Variants in RBFOX1 observed in about 807,000 individuals in gnomAD.
RBFOX1 encodes RNA binding protein fox-1 homolog 1.
In RBFOX1, 8 loss-of-function variants were observed where a neutral mutation model predicts 57.7. The observed-to-expected ratio is 0.14, with a 90% CI of 0.08 to 0.25. The LOEUF (loss-of-function observed/expected upper bound fraction) is 0.25. RBFOX1 is among the 10% of genes least tolerant of loss of function. The pLI, the probability that RBFOX1 is intolerant of heterozygous loss-of-function variation, is 1.00. For synonymous variants in RBFOX1, 326 were observed against 222.4 expected, an observed-to-expected ratio of 1.47 and a Z score of -4.15; for missense variants, 611 against 548.5, an observed-to-expected ratio of 1.11 and a Z score of -1.14.
At chr16:6,678,941 A>G (rs1315692632) in intron 3 of RBFOX1, among the ~76,000 whole-genome samples, 1 of 152,178 alleles carries the variant, frequency 6.6e-6, no homozygotes, top group Non-Finnish European at 1.5e-5. Flanking sequence ...TGGATGTGGC[A>G]TTCAGTATAA....
chr16:7,572,052 G>A (rs1456047276), intron 5 of RBFOX1, among the ~76,000 whole-genome samples: 3 of 152,092 alleles, frequency 2.0e-5, no homozygotes, highest in Non-Finnish European at 4.4e-5. Context: ...GCTTGAACCT[G>A]GCAGACGGAG....
At chr16:7,512,052 G>A (rs1322778768) in intron 4 of RBFOX1, among the ~76,000 whole-genome samples, 1 of 152,000 alleles carries the variant, frequency 6.6e-6, no homozygotes, top group African/African-American at 2.4e-5. Context: ...ACACCCACAA[G>A]CACCCTGACT....
intron 4 of RBFOX1, among the ~76,000 whole-genome samples, chr16:7,053,945 A>G (rs2051002476): frequency 6.6e-6 from 1 of 152,028 alleles, no homozygotes; most frequent in South Asian, 2.1e-4. Flanking sequence ...TTCAAAATTT[A>G]AATAGTACCA....
chr16:5,784,663 G>A (rs995662723), intron 3 of RBFOX1, among the ~76,000 whole-genome samples: 1 of 152,092 alleles, frequency 6.6e-6, no homozygotes. Context: ...ATGAGATTTG[G>A]GTGACGACAC....
At chr16:5,598,037 C>T (rs547581448) in intron 2 of RBFOX1, among the ~76,000 whole-genome samples, 3 of 152,084 alleles carry the variant, frequency 2.0e-5, no homozygotes, top group South Asian at 4.2e-4. Context: ...TGGCTCAGGC[C>T]GGTAATGTTA....
chr16:7,699,551 C>T (rs1330962703), intron 14 of RBFOX1, among the ~76,000 whole-genome samples: 3 of 152,246 alleles, frequency 2.0e-5, no homozygotes, highest in East Asian at 1.9e-4. Context: ...AAGTTGTGTT[C>T]ACATGTGGCT....
At chr16:6,773,947 A>G in intron 3 of RBFOX1, 4 of 985,336 alleles carry the variant, frequency 4.1e-6, no homozygotes, top group Non-Finnish European at 4.8e-6. Context: ...GTGTGTGTGC[A>G]CACGCACATG....
intron 2 of RBFOX1, among the ~76,000 whole-genome samples, chr16:5,502,247 G>C (rs1216442971): frequency 6.6e-6 from 1 of 152,156 alleles, no homozygotes; most frequent in Non-Finnish European, 1.5e-5. Flanking sequence ...GAAATCTTTA[G>C]GAAGAACGGC....
At chr16:6,091,803 C>G (rs934664982) in intron 1 of RBFOX1, among the ~76,000 whole-genome samples, 1 of 152,128 alleles carries the variant, frequency 6.6e-6, no homozygotes, top group South Asian at 2.1e-4. Context: ...TGCACTCCAC[C>G]CTGTATGACA....
intron 2 of RBFOX1, among the ~76,000 whole-genome samples, chr16:6,367,708 T>C (rs954250750): frequency 6.6e-5 from 10 of 151,468 alleles, no homozygotes; most frequent in Non-Finnish European, 1.5e-4. Context: ...CTACATGTTT[T>C]CTATTGTATC....
chr16:6,852,642 C>T (rs1487286428), intron 3 of RBFOX1, among the ~76,000 whole-genome samples: 1 of 151,870 alleles, frequency 6.6e-6, no homozygotes, highest in East Asian at 1.9e-4. Flanking sequence ...GGGAGAGGTA[C>T]ATGCTGGGAA....
At chr16:5,694,928 G>C (rs2050802191) in intron 3 of RBFOX1, among the ~76,000 whole-genome samples, 1 of 151,916 alleles carries the variant, frequency 6.6e-6, no homozygotes, top group Non-Finnish European at 1.5e-5. Context: ...TGTCTGTTAA[G>C]TAGTGTTTAG....
chr16:5,714,836 G>C (rs1001645879), intron 3 of RBFOX1, among the ~76,000 whole-genome samples: 1 of 152,170 alleles, frequency 6.6e-6, no homozygotes. Flanking sequence ...GTGGGAACGG[G>C]GACTTAGAGG....
intron 3 of RBFOX1, among the ~76,000 whole-genome samples, chr16:6,945,523 C>T (rs143553209): frequency 4.6e-4 from 70 of 152,008 alleles, no homozygotes; most frequent in African/African-American, 1.6e-3. Context: ...AAAACACTAC[C>T]TGACCATGTA....
chr16:7,149,697 C>T (rs75108538), intron 4 of RBFOX1, among the ~76,000 whole-genome samples: 9 of 151,928 alleles, frequency 5.9e-5, no homozygotes, highest in South Asian at 2.1e-4. Context: ...CAGGCATGAG[C>T]CACCAGGCTT....
chr16:6,823,467 C>T (rs1048412958), intron 3 of RBFOX1, among the ~76,000 whole-genome samples: 13 of 152,110 alleles, frequency 8.5e-5, no homozygotes, highest in South Asian at 2.1e-4. Flanking sequence ...ATGTTGGCCA[C>T]GCTAGTCTCA....
At chr16:6,493,132 G>C (rs939438690) in intron 2 of RBFOX1, among the ~76,000 whole-genome samples, 1 of 152,160 alleles carries the variant, frequency 6.6e-6, no homozygotes, top group Non-Finnish European at 1.5e-5. Context: ...AGCTGATACA[G>C]GTCAGCTTAG....
intron 1 of RBFOX1, among the ~76,000 whole-genome samples, chr16:6,210,088 C>A (rs1401680702): frequency 6.6e-6 from 1 of 151,522 alleles, no homozygotes; most frequent in Non-Finnish European, 1.5e-5. Flanking sequence ...GAGGCTGAGA[C>A]CGGTGGATCA....
rs568412486 is a variant in RBFOX1 at position 7,507,293 on chromosome 16, A to C, written c.28-10854A>C. On this transcript the variant is annotated intron_variant, in intron 4 of 15. Transcript: ENST00000550418. Reference sequence around the variant, plus strand: ...CCTCCACATAAAGTTTTCATGAAACAATATAAACTCTTAACTATTTTATTC... The same window carrying C: ...CCTCCACATAAAGTTTTCATGAAACCATATAAACTCTTAACTATTTTATTC... 6.6e-5 allele frequency among the ~76,000 whole-genome samples: 10 copies of C among 152,338 alleles called. No individual in the cohort carries two copies. The South Asian group carries it at 2.1e-3, about 32-fold the overall frequency.
Sources: gnomAD v4.1 joint callset for allele counts (sites outside exome capture counted in the v4.1 genomes callset) on GRCh38, gnomAD v4.1.1 for gene constraint, MANE v1.5 for transcripts, NCBI Gene and HGNC (gene_info 2026-07-23, HGNC 2026-07-21) for gene names.